The following PHACTR1 variants were observed in gnomAD, a reference collection of about 807,000 sequenced individuals.
The protein encoded by PHACTR1 is phosphatase and actin regulator 1, also known as RPEL repeat containing 1.
PHACTR1 carries 16 observed loss-of-function variants against 69.2 expected under a neutral mutation model. The ratio of observed to expected loss-of-function variants is 0.23; its 90% CI spans 0.16 to 0.35. PHACTR1 has a LOEUF of 0.35. PHACTR1 is among the 10% of genes least tolerant of loss of function. PHACTR1 has a pLI of 1.00. For missense variants in PHACTR1, 510 were observed against 734.7 expected (o/e 0.69, Z 3.54); for synonymous variants, 312 against 284.5 (o/e 1.10, Z -0.97).
intron 4 of PHACTR1, among the ~76,000 whole-genome samples, chr6:12,887,753 T>C (rs1370733465): frequency 2.0e-5 from 3 of 152,064 alleles, no homozygotes; most frequent in Non-Finnish European, 4.4e-5. Flanking sequence ...CCCAAAGTTA[T>C]GGGTTGAAAC....
chr6:12,749,985 C>T (rs538237030), intron 4 of PHACTR1, among the ~76,000 whole-genome samples, 195 bp downstream of exon 4: 1 of 152,164 alleles, frequency 6.6e-6, no homozygotes, highest in Admixed American at 6.5e-5. Flanking sequence ...GCGCGTGCAG[C>T]CCCACATCCG....
intron 5 of PHACTR1, among the ~76,000 whole-genome samples, chr6:13,111,124 A>G (rs1365197531): frequency 6.6e-6 from 1 of 152,148 alleles, no homozygotes; most frequent in Non-Finnish European, 1.5e-5. Context: ...TGTTATATCC[A>G]TAGGATAAAA....
chr6:13,193,357 G>GTGTATATATATATATATATATATATATA (rs536184609), intron 7 of PHACTR1, among the ~76,000 whole-genome samples: 5 of 68,196 alleles, frequency 7.3e-5, no homozygotes, highest in Admixed American at 3.8e-4. Context: ...AGCTCTCTGT[G>GTGTATATATATATATATATATATATATA]TATATATATA....
At chr6:12,965,501 G>A (rs888195947) in intron 4 of PHACTR1, among the ~76,000 whole-genome samples, 3 of 124,240 alleles carry the variant, frequency 2.4e-5, no homozygotes, top group African/African-American at 9.0e-5. Context: ...TGGTTTTGCT[G>A]TTTAGAATGG....
At chr6:13,109,911 G>T (rs11754531) in intron 5 of PHACTR1, among the ~76,000 whole-genome samples, 2 of 150,286 alleles carry the variant, frequency 1.3e-5, no homozygotes, top group Non-Finnish European at 3.0e-5. Flanking sequence ...CTTCAAGTTC[G>T]CTGATCTTTT....
At chr6:12,886,823 T>A (rs1251846883) in intron 4 of PHACTR1, among the ~76,000 whole-genome samples, 2 of 151,762 alleles carry the variant, frequency 1.3e-5, no homozygotes, top group African/African-American at 4.8e-5. Flanking sequence ...GCAGGTGGAA[T>A]CTTAAGGAAT....
chr6:12,818,058 C>T (rs530273871), intron 4 of PHACTR1, among the ~76,000 whole-genome samples: 10 of 152,178 alleles, frequency 6.6e-5, no homozygotes, highest in African/African-American at 1.4e-4. Context: ...CTCCTGACCT[C>T]GTGATCCACC....
chr6:12,952,740 A>ATGTC (rs1791441244), intron 4 of PHACTR1, among the ~76,000 whole-genome samples: 1 of 151,924 alleles, frequency 6.6e-6, no homozygotes, highest in African/African-American at 2.4e-5. Flanking sequence ...AAGGAACAGG[A>ATGTC]TGTCTGGATC....
intron 4 of PHACTR1, among the ~76,000 whole-genome samples, chr6:12,956,398 T>A (rs1280346387): frequency 7.9e-5 from 12 of 152,086 alleles, no homozygotes; most frequent in Admixed American, 7.9e-4. Context: ...GCTTGCTCCT[T>A]AGTGGGTATC....
At chr6:12,831,864 G>T (rs1398189338) in intron 4 of PHACTR1, among the ~76,000 whole-genome samples, 3 of 152,122 alleles carry the variant, frequency 2.0e-5, no homozygotes, top group Admixed American at 2.0e-4. Context: ...TCTTAAAATA[G>T]TTACTGTGTA....
chr6:12,845,306 A>C (rs964495076), intron 4 of PHACTR1, among the ~76,000 whole-genome samples: 2 of 151,950 alleles, frequency 1.3e-5, no homozygotes, highest in Non-Finnish European at 2.9e-5. Flanking sequence ...ATAGGCCAGC[A>C]GATCTTTTGT....
At chr6:12,739,233 T>C (rs1764713809) in intron 3 of PHACTR1, among the ~76,000 whole-genome samples, 1 of 152,174 alleles carries the variant, frequency 6.6e-6, no homozygotes, top group Non-Finnish European at 1.5e-5. Context: ...TGTTCTGTTG[T>C]TATTTTTAAT....
At chr6:12,879,925 T>A (rs1276396434) in intron 4 of PHACTR1, among the ~76,000 whole-genome samples, 1 of 152,186 alleles carries the variant, frequency 6.6e-6, no homozygotes, top group Non-Finnish European at 1.5e-5. Flanking sequence ...AGGACACTGT[T>A]ATACACATAT....
intron 4 of PHACTR1, among the ~76,000 whole-genome samples, chr6:12,823,056 G>C (rs1234568788): frequency 6.6e-6 from 1 of 152,164 alleles, no homozygotes; most frequent in Non-Finnish European, 1.5e-5. Context: ...CTTCTGATTA[G>C]AAAAGGATTA....
intron 10 of PHACTR1, among the ~76,000 whole-genome samples, chr6:13,243,591 GAA>G: frequency 6.8e-6 from 1 of 147,310 alleles, no homozygotes. Flanking sequence ...TCTTTTAAAA[GAA>G]AAAAAAAACC....
intron 4 of PHACTR1, among the ~76,000 whole-genome samples, chr6:12,874,981 G>A (rs530879792): frequency 6.6e-6 from 1 of 152,202 alleles, no homozygotes; most frequent in East Asian, 1.9e-4. Context: ...GAATCATCTG[G>A]TATTCAAATG....
At chr6:13,248,766 G>GC (rs1773939125) in intron 10 of PHACTR1, among the ~76,000 whole-genome samples, 1 of 152,162 alleles carries the variant, frequency 6.6e-6, no homozygotes, top group South Asian at 2.1e-4. Flanking sequence ...CATCCCTGCA[G>GC]CTCTGATCTG....
intron 4 of PHACTR1, among the ~76,000 whole-genome samples, chr6:12,805,163 C>T (rs1023058052): frequency 5.3e-5 from 8 of 152,248 alleles, no homozygotes; most frequent in African/African-American, 1.4e-4. Context: ...ATTCTTACCA[C>T]GAAGGAAATG....
At chr6:12,917,526 G>A (rs777123468) in intron 4 of PHACTR1, among the ~76,000 whole-genome samples, 10 of 152,168 alleles carry the variant, frequency 6.6e-5, no homozygotes, top group Admixed American at 2.0e-4. Context: ...TCTGAGGTGG[G>A]AGGATTACTT....
Sources: gnomAD v4.1 joint callset for allele counts (sites outside exome capture counted in the v4.1 genomes callset) on GRCh38, gnomAD v4.1.1 for gene constraint, MANE v1.5 for transcripts, NCBI Gene and HGNC (gene_info 2026-07-23, HGNC 2026-07-21) for gene names.